Variants in ARHGAP12 observed in about 807,000 individuals in gnomAD.
ARHGAP12 encodes rho GTPase-activating protein 12.
A neutral mutation model predicts 108.6 loss-of-function variants in ARHGAP12; 64 were observed. That is an observed-to-expected ratio of 0.59 (90% CI 0.48 to 0.73). The LOEUF (loss-of-function observed/expected upper bound fraction) is 0.73. Ranked by LOEUF, ARHGAP12 falls within the 30% of genes least tolerant of loss-of-function variation. ARHGAP12 has a pLI of 0.00. For missense variants in ARHGAP12, 940 were observed against 1,005.9 expected (o/e 0.93, Z 0.89); for synonymous variants, 312 against 337.2 (o/e 0.93, Z 0.82).
intron 3 of ARHGAP12, among the ~76,000 whole-genome samples, chr10:31,897,500 C>G (rs1301948253): frequency 3.1e-4 from 47 of 151,958 alleles, no homozygotes; most frequent in Admixed American, 3.1e-3. Flanking sequence ...GGTGGGGGCG[C>G]CTACCTTAAG....
rs1564434926 is a variant in ARHGAP12 at position 31,918,350 on chromosome 10, CACACACACA to C, written c.-110-7796_-110-7788del. Among the ~76,000 whole-genome samples, 73 of 149,540 alleles carry C rather than the reference CACACACACA, an allele frequency of 4.9e-4. 1 individual carries two copies. The highest frequency in any genetic ancestry group is 8.3e-4 in the Non-Finnish European group (56 of 67,500). On this transcript the variant is annotated intron_variant, in intron 1 of 19. Transcript: ENST00000344936. ...ACACACACACACACACACACACACA[CACACACACA>C]CCAATGAGATACCACTTCACACCCA...
chr10:31,921,609 C>G (rs1458927830), intron 1 of ARHGAP12, among the ~76,000 whole-genome samples: 1 of 151,236 alleles, frequency 6.6e-6, no homozygotes, highest in Non-Finnish European at 1.5e-5. Context: ...ACCAAAAATA[C>G]AAAAATGAGC....
At chr10:31,866,173 T>C (rs746495597) in intron 3 of ARHGAP12, among the ~76,000 whole-genome samples, 8 of 152,168 alleles carry the variant, frequency 5.3e-5, no homozygotes, top group Non-Finnish European at 8.8e-5. Context: ...CAGGAAAGAA[T>C]AGCATTTGAA....
intron 1 of ARHGAP12, among the ~76,000 whole-genome samples, chr10:31,912,359 T>C (rs1020968562): frequency 6.6e-6 from 1 of 152,146 alleles, no homozygotes; most frequent in Admixed American, 6.5e-5. Flanking sequence ...GGATGAAGAA[T>C]AACAAGTGAG....
At chr10:31,904,200 A>T (rs189236666) in intron 3 of ARHGAP12, among the ~76,000 whole-genome samples, 28 of 152,346 alleles carry the variant, frequency 1.8e-4, no homozygotes, top group African/African-American at 6.7e-4. Flanking sequence ...CAAAAACTGG[A>T]AACAACCTAG....
At chr10:31,835,048 A>C (rs1835960997) in intron 9 of ARHGAP12, among the ~76,000 whole-genome samples, 1 of 152,074 alleles carries the variant, frequency 6.6e-6, no homozygotes, top group Admixed American at 6.5e-5. Context: ...AAAATAAAAA[A>C]ATCAGCTGGG....
chr10:31,842,248 A>G (rs1265842618), intron 7 of ARHGAP12, among the ~76,000 whole-genome samples: 1 of 152,062 alleles, frequency 6.6e-6, no homozygotes, highest in Admixed American at 6.5e-5. Context: ...AACAGTATAT[A>G]TGGTATTTGG....
intron 4 of ARHGAP12, among the ~76,000 whole-genome samples, chr10:31,854,480 C>T (rs1564391600): frequency 6.6e-6 from 1 of 151,956 alleles, no homozygotes; most frequent in South Asian, 2.1e-4. Flanking sequence ...AAGGAGAGCT[C>T]GAATGTTACT....
chr10:31,826,219 T>G (rs1166567457), intron 11 of ARHGAP12, 85 bp downstream of exon 11: 1 of 1,049,386 alleles, frequency 9.5e-7, no homozygotes, highest in African/African-American at 1.6e-5. Context: ...CTATAAGGAC[T>G]CTGGAAATTA....
At chr10:31,850,681 A>C (rs1836642015) in intron 6 of ARHGAP12, among the ~76,000 whole-genome samples, 1 of 152,134 alleles carries the variant, frequency 6.6e-6, no homozygotes, top group South Asian at 2.1e-4. Flanking sequence ...CCCACTTATA[A>C]GTTTTATTGG....
Position 31,809,229 on chromosome 10 carries a change from C to T in ARHGAP12, c.2128+1G>A. The stretch of plus-strand genomic sequence containing the variant: ...AATAACAACAGTAAATATAATCTTA[C>T]CATGATTGACTGCAAACCTTAGTTT... On this transcript the variant is annotated splice_donor_variant, in intron 17 of 19. Coordinates refer to ENST00000344936, the MANE Select transcript of ARHGAP12 (RefSeq NM_018287.7). LOFTEE classifies it high-confidence loss of function. 6.2e-7 allele frequency: 1 copy of T among 1,613,808 alleles called. No individual in the cohort carries two copies. The highest frequency in any genetic ancestry group is 1.7e-4 in the Middle Eastern group (1 of 6,054).
intron 1 of ARHGAP12, among the ~76,000 whole-genome samples, chr10:31,924,226 C>T (rs1222851677): frequency 6.6e-6 from 1 of 152,172 alleles, no homozygotes; most frequent in African/African-American, 2.4e-5. Context: ...GAAATGAAAA[C>T]ATAAGTCCAC....
At chr10:31,808,620 C>T in intron 19 of ARHGAP12, 29 bp downstream of exon 19, 1 of 1,603,062 alleles carries the variant, frequency 6.2e-7, no homozygotes, top group Non-Finnish European at 8.5e-7. Context: ...TGTGCTATAC[C>T]ACATCCCATG....
intron 11 of ARHGAP12, among the ~76,000 whole-genome samples, chr10:31,821,333 T>C (rs1466281240): frequency 6.6e-6 from 1 of 152,154 alleles, no homozygotes; most frequent in East Asian, 1.9e-4. Flanking sequence ...TAGTAGAAAA[T>C]TTATGTTAAA....
chr10:31,848,630 T>C (rs1176976422), intron 6 of ARHGAP12, among the ~76,000 whole-genome samples: 1 of 152,224 alleles, frequency 6.6e-6, no homozygotes, highest in Non-Finnish European at 1.5e-5. Flanking sequence ...ACTATGTTTT[T>C]TCATCTTGAA....
In ARHGAP12 at chr10:31,816,413, C is replaced by T. The variant is rs967904146; in HGVS notation, c.1731+1375G>A. Among the ~76,000 whole-genome samples, 3 of 152,126 alleles carry T rather than the reference C, an allele frequency of 2.0e-5. No homozygotes were observed. In the South Asian group the frequency reaches 6.2e-4, roughly 31 times the overall value. The stretch of plus-strand genomic sequence containing the variant: ...CACATTTCATTTTATTAACTGTTAT[C>T]TGTCTTGAATAATCATCTGTCTGTG... On this transcript the variant is annotated intron_variant, in intron 13 of 19. Transcript: ENST00000344936.
intron 14 of ARHGAP12, 41 bp downstream of exon 14, chr10:31,814,218 C>G (rs1208146625): frequency 6.7e-7 from 1 of 1,500,480 alleles, no homozygotes; most frequent in Non-Finnish European, 9.3e-7. Context: ...GCTAAGAGAA[C>G]AAGCACAAAT....
At chr10:31,925,261 A>G (rs1839982882) in intron 1 of ARHGAP12, among the ~76,000 whole-genome samples, 1 of 152,230 alleles carries the variant, frequency 6.6e-6, no homozygotes, top group African/African-American at 2.4e-5. Context: ...AACAAGCTGT[A>G]GCAGTACAAG....
At chr10:31,925,699 G>A (rs1256808121) in intron 1 of ARHGAP12, among the ~76,000 whole-genome samples, 3 of 152,148 alleles carry the variant, frequency 2.0e-5, no homozygotes, top group Admixed American at 2.0e-4. Flanking sequence ...CATTCTCAAG[G>A]ATTGCTGATG....
Sources: allele counts gnomAD v4.1 joint callset (sites outside exome capture counted in the v4.1 genomes callset), GRCh38; gene constraint gnomAD v4.1.1; transcripts MANE v1.5; gene names NCBI Gene and HGNC (gene_info 2026-07-23, HGNC 2026-07-21).